NSUN3: variants seen among roughly 807,000 people sequenced by gnomAD.
The protein encoded by NSUN3 is tRNA (cytosine(34)-C(5))-methyltransferase, mitochondrial.
A neutral mutation model predicts 36.8 loss-of-function variants in NSUN3; 24 were observed. The observed-to-expected ratio is 0.65, with a 90% CI of 0.47 to 0.92. The LOEUF (loss-of-function observed/expected upper bound fraction) is 0.92. NSUN3 is among the 40% of genes least tolerant of loss of function. The probability of loss-of-function intolerance (pLI) is 0.00; values close to 1 mark genes in which losing one functional copy is unlikely to be tolerated. For synonymous variants in NSUN3, 146 were observed against 145.2 expected (o/e 1.01, Z -0.04); for missense variants, 381 against 392.8 (o/e 0.97, Z 0.25).
chr3:94,108,284 A>AT (rs2107265478), intron 5 of NSUN3, among the ~76,000 whole-genome samples: 1 of 152,148 alleles, frequency 6.6e-6, no homozygotes, highest in East Asian at 1.9e-4. Context: ...AATTAAATAT[A>AT]TTTTCTTTGT....
intron 2 of NSUN3, 125 bp from the exon 3 acceptor site, chr3:94,083,982 T>A (rs1022578975): frequency 4.3e-6 from 3 of 690,222 alleles, no homozygotes; most frequent in African/African-American, 1.8e-5. Flanking sequence ...ATACTGATCC[T>A]GTCTCTTAAA....
rs1385201206 is a variant in NSUN3 at position 94,106,848 on chromosome 3, A to T, written c.743+11694A>T. 7.9e-5 allele frequency among the ~76,000 whole-genome samples: 12 copies of T among 152,120 alleles called. No individual in the cohort carries two copies. The East Asian group carries it at 2.1e-3, about 27-fold the overall frequency. ...TACTAGAAGTCAACAATGTAGTATT[A>T]AAAAAAATGAAATGGAAAGGAAAAG... On this transcript the variant is annotated intron_variant, in intron 5 of 5. Coordinates refer to ENST00000314622, the MANE Select transcript of NSUN3 (RefSeq NM_022072.5).
chr3:94,090,578 T>C (rs2077310745), intron 3 of NSUN3, among the ~76,000 whole-genome samples: 2 of 152,138 alleles, frequency 1.3e-5, no homozygotes, highest in Admixed American at 1.3e-4. Context: ...GTAAGGGATA[T>C]AGAAATGATG....
intron 5 of NSUN3, among the ~76,000 whole-genome samples, chr3:94,105,595 A>G (rs1183664077): frequency 1.3e-5 from 2 of 152,114 alleles, no homozygotes; most frequent in Non-Finnish European, 2.9e-5. Context: ...TTTCTGTGGA[A>G]TCGCTTGAGG....
At position 94,128,583 on chromosome 3, in the gene NSUN3, G is replaced by GTGTGTA. The variant is rs1491231480; in HGVS notation, c.*2094_*2095insGTGTAT. The GTGTGTA allele has an allele frequency of 3.2e-4, 27 of 85,140 alleles. 1 individual carries two copies. The highest frequency in any genetic ancestry group is 3.0e-3 in the South Asian group (8 of 2,668). 5.3% of individuals were successfully genotyped at this position (85,140 alleles called of 1,614,324 possible). A position where few individuals can be genotyped will look rare whatever the true frequency, so the allele number is the denominator to read the frequency against. ...TGTGTGTGTGTGTGTGTGTGTGTGT[G>GTGTGTA]TATATATATATATATATATAATTTT... On this transcript the variant is annotated 3_prime_UTR_variant, in exon 6 of 6. Transcript: ENST00000314622.
chr3:94,124,071 TA>T lies in NSUN3; in HGVS notation c.744-2139del, dbSNP rs1292161776. On this transcript the variant is annotated intron_variant, in intron 5 of 5. Transcript: ENST00000314622. ...TGTGTATATATTTATATTAGTTTGC[TA>T]GAGTTGCCATAACAAAATAACAAGA... 2.0e-5 allele frequency among the ~76,000 whole-genome samples: 3 copies of T among 151,900 alleles called. No individual in the cohort carries two copies. The South Asian group carries it at 6.2e-4, about 32-fold the overall frequency.
In NSUN3 at chr3:94,126,176, T is replaced by C. The variant is rs775156118; in HGVS notation, c.744-35T>C. The C allele has an allele frequency of 1.2e-5, 19 of 1,575,212 alleles. 1 individual carries two copies. In the South Asian group the frequency reaches 2.1e-4, roughly 18 times the overall value. On this transcript the variant is annotated intron_variant, in intron 5 of 5. Coordinates refer to ENST00000314622, the MANE Select transcript of NSUN3 (RefSeq NM_022072.5). ...CCCCCTGGTTTCTTTTTAATATACT[T>C]AACTAATCTTTTGCATTTTTCTGAT...
Position 94,116,980 on chromosome 3 carries a change from CACA to C in NSUN3, c.744-9228_744-9226del, listed in dbSNP as rs1486411976. Among the ~76,000 whole-genome samples, 10 of 147,520 alleles carry C rather than the reference CACA, an allele frequency of 6.8e-5. 1 individual carries two copies. The Admixed American group carries it at 6.9e-4, about 10-fold the overall frequency. Reference sequence around the variant, plus strand: ...AGATTTTTAAGCCAAGTGAATCTGCCACAACTTTTTTTTTTTTTTTTTTTTTTT... The same window carrying C: ...AGATTTTTAAGCCAAGTGAATCTGCCACTTTTTTTTTTTTTTTTTTTTTTT... On this transcript the variant is annotated intron_variant, in intron 5 of 5. Transcript: ENST00000314622.
chr3:94,068,359 A>G (rs547218208), intron 2 of NSUN3, among the ~76,000 whole-genome samples: 2 of 152,136 alleles, frequency 1.3e-5, no homozygotes, highest in South Asian at 4.1e-4. Flanking sequence ...CATTTTGTTG[A>G]TAGAGCTATT....
rs2077504779 is a variant in NSUN3 at position 94,130,356 on chromosome 3, G to C, written c.*3866G>C. On this transcript the variant is annotated 3_prime_UTR_variant, in exon 6 of 6. Coordinates refer to ENST00000314622, the MANE Select transcript of NSUN3 (RefSeq NM_022072.5). The stretch of plus-strand genomic sequence containing the variant: ...GATATCAGAGTTAATACTGTGAAGA[G>C]ACAAAATAATGAGAATACTTTTACC... 6.6e-6 allele frequency among the ~76,000 whole-genome samples: 1 copy of C among 152,140 alleles called. No homozygotes were observed. Among genetic ancestry groups the C allele is most frequent in the African/African-American group, 2.4e-5 (1 of 41,412 alleles).
In NSUN3 at chr3:94,130,680, C is replaced by G. The variant is rs2077505894; in HGVS notation, c.*4190C>G. ...TGAATGTTCCAAGGGACTTCGGCCT[C>G]TGGGGCTTCCACACTCTGGGTGTCA... On this transcript the variant is annotated 3_prime_UTR_variant, in exon 6 of 6. Coordinates refer to ENST00000314622, the MANE Select transcript of NSUN3 (RefSeq NM_022072.5). 6.6e-6 allele frequency among the ~76,000 whole-genome samples: 1 copy of G among 152,176 alleles called. No homozygotes were observed. The highest frequency in any genetic ancestry group is 1.5e-5 in the Non-Finnish European group (1 of 68,036).
In NSUN3 at chr3:94,127,629, T is replaced by A. The variant is rs1213519949; in HGVS notation, c.*1139T>A. On this transcript the variant is annotated 3_prime_UTR_variant, in exon 6 of 6. Transcript: ENST00000314622. ...GAGTACAAACATATTTTTCCAACTA[T>A]TAAGAAAAATTATGCAGCACATCTC... is the stretch of plus-strand genomic sequence containing the variant. 1.3e-5 allele frequency: 2 copies of A among 152,164 alleles called. No homozygotes were observed. Among genetic ancestry groups the A allele is most frequent in the African/African-American group, 4.8e-5 (2 of 41,430 alleles). The allele number at this position is 152,164 out of a possible 1,614,324, so 9.4% of individuals were successfully genotyped here.
chr3:94,116,382 A>T (rs1209698136), intron 5 of NSUN3, among the ~76,000 whole-genome samples: 6 of 152,156 alleles, frequency 3.9e-5, no homozygotes, highest in Admixed American at 6.5e-5. Context: ...ATTTTACAGA[A>T]TTTCTTTAAA....
At chr3:94,070,614 A>G (rs569446779) in intron 2 of NSUN3, among the ~76,000 whole-genome samples, 1 of 152,162 alleles carries the variant, frequency 6.6e-6, no homozygotes, top group Non-Finnish European at 1.5e-5. Flanking sequence ...CTTTCAGAAA[A>G]TTACTCTGCC....
intron 5 of NSUN3, among the ~76,000 whole-genome samples, chr3:94,119,071 T>A (rs907874908): frequency 6.6e-6 from 1 of 152,202 alleles, no homozygotes; most frequent in Non-Finnish European, 1.5e-5. Context: ...TCTTGTTTCT[T>A]GTACACTACT....
chr3:94,109,233 T>G (rs2077405368), intron 5 of NSUN3, among the ~76,000 whole-genome samples: 1 of 152,228 alleles, frequency 6.6e-6, no homozygotes, highest in Non-Finnish European at 1.5e-5. Context: ...GGAAATTTTA[T>G]GATTTTTGTG....
chr3:94,090,083 AAAAT>A lies in NSUN3; in HGVS notation c.467-4052_467-4049del, dbSNP rs1341022290. Among the ~76,000 whole-genome samples, 4 of 152,202 alleles carry A rather than the reference AAAAT, an allele frequency of 2.6e-5. 1 individual carries two copies. Among genetic ancestry groups the A allele is most frequent in the South Asian group, 4.1e-4 (2 of 4,832 alleles). On this transcript the variant is annotated intron_variant, in intron 3 of 5. Transcript: ENST00000314622. Reference sequence around the variant, plus strand: ...TTATTGTTTTTAAGTTAGGTCTACTAAAATAAATGAATGAATGAAACTACCAATT... The same window carrying A: ...TTATTGTTTTTAAGTTAGGTCTACTAAAATGAATGAATGAAACTACCAATT...
intron 5 of NSUN3, among the ~76,000 whole-genome samples, chr3:94,115,972 G>A (rs2077438199): frequency 6.6e-6 from 1 of 152,090 alleles, no homozygotes; most frequent in African/African-American, 2.4e-5. Flanking sequence ...CCTTCCTTTG[G>A]AACTTTTATA....
intron 2 of NSUN3, among the ~76,000 whole-genome samples, chr3:94,081,321 G>T (rs1455398913): frequency 1.3e-5 from 2 of 152,164 alleles, no homozygotes; most frequent in African/African-American, 4.8e-5. Flanking sequence ...CGTTGATCTT[G>T]CTGGGAGCTG....
Sources: allele counts gnomAD v4.1 joint callset (sites outside exome capture counted in the v4.1 genomes callset), GRCh38; gene constraint gnomAD v4.1.1; transcripts MANE v1.5; gene names NCBI Gene and HGNC (gene_info 2026-07-23, HGNC 2026-07-21).